Variants in RAI1 observed in about 807,000 individuals in gnomAD.
RAI1 encodes retinoic acid-induced protein 1.
In RAI1, 9 loss-of-function variants were observed where a neutral mutation model predicts 123.8. The observed-to-expected ratio is 0.07, with a 90% CI of 0.04 to 0.13. The LOEUF is 0.13. RAI1 is among the 10% of genes least tolerant of loss of function. The pLI, the probability that RAI1 is intolerant of heterozygous loss-of-function variation, is 1.00. For missense variants in RAI1, 2,256 were observed against 2,545.8 expected (o/e 0.89, Z 2.45); for synonymous variants, 1,231 against 1,127.3 (o/e 1.09, Z -1.84).
chr17:17,797,901 A>G lies in RAI1; in HGVS notation c.4953A>G (p.Thr1651=). 2.5e-6 allele frequency: 4 copies of G among 1,613,270 alleles called. No homozygotes were observed. The highest frequency in any genetic ancestry group is 3.4e-6 in the Non-Finnish European group (4 of 1,179,884). The change falls in exon 3 of 6, where the codon ACA becomes ACG. Residue 1651 remains threonine (T), a synonymous_variant. Transcript: ENST00000353383. Reference sequence around the variant, plus strand: ...ATGCAGCCGGGGCCTCCCTGGCCACACTCCCTGGAGGCTCCATCCTGCAGC... The same window carrying G: ...ATGCAGCCGGGGCCTCCCTGGCCACGCTCCCTGGAGGCTCCATCCTGCAGC... ...SLDAAGASLA[T]LPGGSILQPR...
intron 1 of RAI1, among the ~76,000 whole-genome samples, chr17:17,686,324 G>T (rs1189319616): frequency 2.6e-5 from 4 of 151,436 alleles, no homozygotes; most frequent in Non-Finnish European, 5.9e-5. Context: ...TGGTGGGGTC[G>T]GGGGGCAGGG....
intron 2 of RAI1, among the ~76,000 whole-genome samples, chr17:17,783,485 G>C (rs1208057570): frequency 2.0e-5 from 3 of 151,906 alleles, no homozygotes; most frequent in Admixed American, 6.5e-5. Flanking sequence ...GATTTTCTCC[G>C]GCAGCAGCAG....
intron 1 of RAI1, among the ~76,000 whole-genome samples, chr17:17,711,811 G>A (rs1915574947): frequency 6.6e-6 from 1 of 152,348 alleles, no homozygotes; most frequent in Admixed American, 6.5e-5. Context: ...CTCTGTCCCA[G>A]GGCAAGCCCT....
chr17:17,721,820 G>A (rs1389637617), intron 1 of RAI1, among the ~76,000 whole-genome samples: 1 of 152,222 alleles, frequency 6.6e-6, no homozygotes, highest in Non-Finnish European at 1.5e-5. Flanking sequence ...GGGGAGCCCC[G>A]AGTGGGGCGG....
chr17:17,735,396 C>T (rs1916400505), intron 2 of RAI1, among the ~76,000 whole-genome samples: 1 of 146,948 alleles, frequency 6.8e-6, no homozygotes, highest in South Asian at 2.2e-4. Context: ...TCTTGTTACC[C>T]AGGCTGGAGT....
At chr17:17,718,526 C>T (rs553852840) in intron 1 of RAI1, among the ~76,000 whole-genome samples, 103 of 152,262 alleles carry the variant, frequency 6.8e-4, no homozygotes, top group Non-Finnish European at 1.4e-3. Context: ...ATGCCAGCCC[C>T]ATGTGGGCAG....
intron 2 of RAI1, among the ~76,000 whole-genome samples, chr17:17,785,890 A>G (rs947754988): frequency 6.6e-6 from 1 of 152,230 alleles, no homozygotes; most frequent in Admixed American, 6.5e-5. Flanking sequence ...ATTTGACCCC[A>G]GGAGCTTGTG....
intron 2 of RAI1, among the ~76,000 whole-genome samples, chr17:17,787,371 C>T (rs2031860234): frequency 6.6e-6 from 1 of 152,244 alleles, no homozygotes; most frequent in African/African-American, 2.4e-5. Context: ...CAGCAATCAG[C>T]ACCCCCCACC....
intron 2 of RAI1, among the ~76,000 whole-genome samples, chr17:17,744,877 C>T (rs894297989): frequency 6.7e-6 from 1 of 150,242 alleles, no homozygotes; most frequent in Non-Finnish European, 1.5e-5. Flanking sequence ...GAGGTCTTTA[C>T]TTTTACTAGT....
In RAI1 at chr17:17,809,159, C is replaced by A; in HGVS notation, c.5660-231C>A. On this transcript the variant is annotated intron_variant, in intron 4 of 5. Transcript: ENST00000353383. The surrounding 1 kb of genome is among the most constrained non-coding windows in gnomAD (Gnocchi z 4.9). ...CGTGGAACTCAGGGGGAAAAGCTCT[C>A]CGCGGAGGAGGTGAGGTGAGTCAAG... 1 of 616,654 alleles carries A rather than the reference C, an allele frequency of 1.6e-6. No individual in the cohort carries two copies. The highest frequency in any genetic ancestry group is 2.9e-6 in the Non-Finnish European group (1 of 340,032). The allele number at this position is 616,654 out of a possible 1,614,324, so 38.2% of individuals were successfully genotyped here.
Position 17,811,070 on chromosome 17 carries a change from G to A in RAI1, c.*1089G>A, listed in dbSNP as rs1555568102. The A allele has an allele frequency of 3.2e-6, 1 of 308,420 alleles. No individual in the cohort carries two copies. Among genetic ancestry groups the A allele is most frequent in the Non-Finnish European group, 6.4e-6 (1 of 155,528 alleles). The allele number at this position is 308,420 out of a possible 1,614,324, so 19.1% of individuals were successfully genotyped here. ...TGTCCACGCAGCCACCACCGGCCCG[G>A]GCCAGTCCCTGCCAGTCCGTCCGCC... On this transcript the variant is annotated 3_prime_UTR_variant, in exon 6 of 6. Transcript: ENST00000353383.
intron 1 of RAI1, among the ~76,000 whole-genome samples, chr17:17,703,547 G>C (rs1468800277): frequency 2.6e-5 from 4 of 152,158 alleles, no homozygotes; most frequent in African/African-American, 9.7e-5. Context: ...CTGGGGCTCA[G>C]GGGGAGGGGG....
In RAI1 at chr17:17,794,815, G is replaced by A. The variant is rs148619631; in HGVS notation, c.1867G>A (p.Asp623Asn). Residue 623 changes from aspartate to asparagine, a missense_variant, in exon 3 of 6, where the codon GAC becomes AAC. By Grantham distance (23) the Asp-to-Asn change is conservative. Coordinates refer to ENST00000353383, the MANE Select transcript of RAI1 (RefSeq NM_030665.4). ...GCAGGAAGCCATCGGTGAGAAGGCC[G>A]ACAAAGCTTGGGCTGAAGCACCCAG... ...GLQEAIGEKA[D>N]KAWAEAPSLV... 24 of 1,612,952 alleles carry A rather than the reference G, an allele frequency of 1.5e-5. No individual in the cohort carries two copies. Among genetic ancestry groups the A allele is most frequent in the African/African-American group, 1.1e-4 (8 of 74,892 alleles).
chr17:17,688,131 C>A (rs1044276375), intron 1 of RAI1, among the ~76,000 whole-genome samples: 2 of 151,916 alleles, frequency 1.3e-5, no homozygotes, highest in African/African-American at 4.8e-5. Context: ...TCACACCAGC[C>A]TGGGTTCAAA....
intron 2 of RAI1, among the ~76,000 whole-genome samples, chr17:17,771,124 G>A (rs2031140791): frequency 6.6e-6 from 1 of 152,220 alleles, no homozygotes; most frequent in Non-Finnish European, 1.5e-5. Flanking sequence ...GGCCTTGGCA[G>A]GGCCATGCCC....
chr17:17,795,214 C>T lies in RAI1; in HGVS notation c.2266C>T (p.Pro756Ser). ...WPEENLGDAC[P>S]RWGLHPGELT... Reference sequence around the variant, plus strand: ...AGAGGAAAACCTGGGGGATGCTTGTCCCAGGTGGGGATTGCACCCTGGCGA... The same window carrying T: ...AGAGGAAAACCTGGGGGATGCTTGTTCCAGGTGGGGATTGCACCCTGGCGA... The change falls in exon 3 of 6, where the codon CCC becomes TCC. Residue 756 changes from proline to serine, a missense_variant. By Grantham distance (74) the Pro-to-Ser change is moderately conservative. Transcript: ENST00000353383. The surrounding 1 kb of genome is among the most constrained non-coding windows in gnomAD (Gnocchi z 5.9). 6.2e-7 allele frequency: 1 copy of T among 1,614,002 alleles called. No individual in the cohort carries two copies. The highest frequency in any genetic ancestry group is 1.1e-5 in the South Asian group (1 of 91,082).
chr17:17,690,231 C>A (rs1258825541), intron 1 of RAI1, among the ~76,000 whole-genome samples: 1 of 151,828 alleles, frequency 6.6e-6, no homozygotes, highest in East Asian at 1.9e-4. Context: ...ACTAAAAATA[C>A]AAAAAGATAG....
chr17:17,699,838 C>T (rs1437849358), intron 1 of RAI1, among the ~76,000 whole-genome samples: 1 of 152,222 alleles, frequency 6.6e-6, no homozygotes, highest in Non-Finnish European at 1.5e-5. Context: ...CACCCTGTGC[C>T]TCTCCTGGTC....
Position 17,797,431 on chromosome 17 carries a change from G to A in RAI1, c.4483G>A (p.Gly1495Arg). The A allele has an allele frequency of 6.2e-7, 1 of 1,613,346 alleles. No individual in the cohort carries two copies. ...QGASEDNSGG[G>R]GKKPKMEELG... ...GGCCAGTGAGGACAACTCTGGTGGA[G>A]GAGGCAAGAAGCCAAAGATGGAGGA... The change falls in exon 3 of 6, where the codon GGA becomes AGA. Residue 1495 changes from glycine to arginine, a missense_variant. By Grantham distance (125) the Gly-to-Arg change is moderately radical. Transcript: ENST00000353383.
Sources: gnomAD v4.1 joint callset for allele counts (sites outside exome capture counted in the v4.1 genomes callset) on GRCh38, gnomAD v4.1.1 for gene constraint, Gnocchi (gnomAD v3.1) non-coding constraint, MANE v1.5 for transcripts, NCBI Gene and HGNC (gene_info 2026-07-23, HGNC 2026-07-21) for gene names.